CSMD1: variants seen among roughly 807,000 people sequenced by gnomAD.
CSMD1 encodes the protein CUB and Sushi multiple domains 1.
CSMD1 carries 213 observed loss-of-function variants against 417.5 expected under a neutral mutation model. The observed-to-expected ratio is 0.51, with a 90% CI of 0.46 to 0.57. The LOEUF (loss-of-function observed/expected upper bound fraction) is 0.57, where lower values mean the gene tolerates loss of function less well. Among genes scored for constraint, CSMD1 ranks in the 20% least tolerant of loss-of-function variants. CSMD1 has a pLI of 0.00. For synonymous variants in CSMD1, 2,862 were observed against 1,736.8 expected (o/e 1.65, Z -16.11); for missense variants, 6,923 against 4,529.7 (o/e 1.53, Z -15.17).
rs529329262 is a variant in CSMD1, at chr8:4,904,493, T to C, written c.85+89839A>G. On this transcript the variant is annotated intron_variant, in intron 1 of 69. Transcript: ENST00000635120. ...TCAAACAGCTGGTAGGGCTCAATCG[T>C]CCTGACTCAGAGCCTACTACCCTTT... Among the ~76,000 whole-genome samples, 10 of 152,262 alleles carry C rather than the reference T, an allele frequency of 6.6e-5. 1 individual carries two copies. Among genetic ancestry groups the C allele is most frequent in the African/African-American group, 2.4e-4 (10 of 41,552 alleles).
chr8:4,964,399 G>C (rs918247258), intron 1 of CSMD1, among the ~76,000 whole-genome samples: 2 of 147,278 alleles, frequency 1.4e-5, no homozygotes, highest in South Asian at 2.2e-4. Flanking sequence ...TGCACCTGTA[G>C]TCCCAGCTAC....
chr8:4,136,571 C>T (rs917539406), intron 3 of CSMD1, among the ~76,000 whole-genome samples: 6 of 152,140 alleles, frequency 3.9e-5, no homozygotes, highest in African/African-American at 1.4e-4. Flanking sequence ...CTCTAATTTA[C>T]AGTATTTCAG....
chr8:4,141,608 G>A lies in CSMD1; in HGVS notation c.416-109509C>T, dbSNP rs958827567. On this transcript the variant is annotated intron_variant, in intron 3 of 69. Coordinates refer to ENST00000635120, the MANE Select transcript of CSMD1 (RefSeq NM_033225.6). Reference sequence around the variant, plus strand: ...CTGTACTAAGAAATGGAGTTGTAACGATTCCTCCACTATATTTTCACCCTA... The same window carrying A: ...CTGTACTAAGAAATGGAGTTGTAACAATTCCTCCACTATATTTTCACCCTA... Among the ~76,000 whole-genome samples the A allele has an allele frequency of 1.6e-4, 24 of 150,782 alleles. 1 individual carries two copies. The highest frequency in any genetic ancestry group is 5.5e-4 in the African/African-American group (22 of 40,278).
chr8:4,003,698 C>T lies in CSMD1; in HGVS notation c.611-5588G>A, dbSNP rs545641888. ...GTTGTATGTTCCTAATATCAACATG[C>T]ATTAACACAGTGCTTCAGGCGATTT... On this transcript the variant is annotated intron_variant, in intron 4 of 69. Transcript: ENST00000635120. Among the ~76,000 whole-genome samples the T allele has an allele frequency of 4.1e-4, 62 of 152,132 alleles. 1 individual carries two copies. In the South Asian group the frequency reaches 0.013, roughly 32 times the overall value.
At chr8:4,928,773 T>C (rs911525477) in intron 1 of CSMD1, among the ~76,000 whole-genome samples, 1 of 152,072 alleles carries the variant, frequency 6.6e-6, no homozygotes, top group African/African-American at 2.4e-5. Context: ...AAAGAGGTAA[T>C]TAAGTTAAAA....
At chr8:3,565,159 A>AAAAAAAAAAAAAAAAG (rs1554471702) in intron 10 of CSMD1, among the ~76,000 whole-genome samples, 2 of 138,026 alleles carry the variant, frequency 1.4e-5, no homozygotes, top group South Asian at 2.4e-4. Context: ...AAAAAAAAAA[A>AAAAAAAAAAAAAAAAG]AGAGAGAGAT....
intron 3 of CSMD1, among the ~76,000 whole-genome samples, chr8:4,419,328 C>T (rs1366351596): frequency 6.6e-6 from 1 of 152,062 alleles, no homozygotes; most frequent in Non-Finnish European, 1.5e-5. Flanking sequence ...TTTCTTAAAA[C>T]CTAATACTTG....
intron 12 of CSMD1, among the ~76,000 whole-genome samples, chr8:3,458,000 T>A (rs938020857): frequency 3.3e-5 from 5 of 152,180 alleles, no homozygotes; most frequent in Non-Finnish European, 5.9e-5. Flanking sequence ...CACAAGCTCT[T>A]TCATAATTCG....
intron 2 of CSMD1, among the ~76,000 whole-genome samples, chr8:4,543,527 A>G (rs562131367): frequency 6.6e-6 from 1 of 152,282 alleles, no homozygotes; most frequent in South Asian, 2.1e-4. Context: ...CAGTTTATAC[A>G]TTCACCAACC....
At chr8:3,601,539 G>C (rs947723277) in intron 8 of CSMD1, among the ~76,000 whole-genome samples, 1 of 152,090 alleles carries the variant, frequency 6.6e-6, no homozygotes, top group East Asian at 1.9e-4. Context: ...ATCACAGCAG[G>C]CACTTATAAA....
At chr8:3,783,592 G>T (rs1255032773) in intron 5 of CSMD1, among the ~76,000 whole-genome samples, 1 of 152,210 alleles carries the variant, frequency 6.6e-6, no homozygotes, top group African/African-American at 2.4e-5. Flanking sequence ...GTTGGACACA[G>T]TAGCAAAGGC....
chr8:2,987,028 T>C (rs1805971605), intron 54 of CSMD1, among the ~76,000 whole-genome samples: 3 of 151,874 alleles, frequency 2.0e-5, no homozygotes, highest in Admixed American at 1.3e-4. Flanking sequence ...ACATTCCCTC[T>C]TAACTGATTT....
chr8:4,137,891 T>G (rs1333587601), intron 3 of CSMD1, among the ~76,000 whole-genome samples: 1 of 151,924 alleles, frequency 6.6e-6, no homozygotes, highest in Non-Finnish European at 1.5e-5. Context: ...TTTATTTATT[T>G]ACTTGAGATG....
intron 3 of CSMD1, among the ~76,000 whole-genome samples, chr8:4,082,935 G>A (rs982457888): frequency 1.3e-5 from 2 of 151,784 alleles, no homozygotes; most frequent in African/African-American, 4.8e-5. Context: ...CCTTACAAAG[G>A]ACATGAACTC....
chr8:3,837,471 C>T (rs1346796743), intron 5 of CSMD1, among the ~76,000 whole-genome samples: 1 of 152,012 alleles, frequency 6.6e-6, no homozygotes, highest in African/African-American at 2.4e-5. Flanking sequence ...CCTCCTGGGA[C>T]CTAATGCTGA....
chr8:3,872,356 T>C (rs1050747487), intron 5 of CSMD1, among the ~76,000 whole-genome samples: 1 of 152,214 alleles, frequency 6.6e-6, no homozygotes, highest in Non-Finnish European at 1.5e-5. Flanking sequence ...TGCCAGGTGC[T>C]GTGTTGGCAA....
At position 3,104,438 on chromosome 8, in the gene CSMD1, G is replaced by A. The variant is rs185490291; in HGVS notation, c.6949+2090C>T. 1.5e-4 allele frequency among the ~76,000 whole-genome samples: 23 copies of A among 152,204 alleles called. 1 individual carries two copies. In the East Asian group the frequency reaches 2.5e-3, roughly 17 times the overall value. The stretch of plus-strand genomic sequence containing the variant: ...TTCCACAGCCTACGGTCTGCTTAGC[G>A]TTTAAACAGACGAGCAGGCCAAGGG... On this transcript the variant is annotated intron_variant, in intron 46 of 69. Coordinates refer to ENST00000635120, the MANE Select transcript of CSMD1 (RefSeq NM_033225.6).
chr8:3,445,533 CA>C (rs1181815916), intron 12 of CSMD1, among the ~76,000 whole-genome samples: 1 of 152,056 alleles, frequency 6.6e-6, no homozygotes, highest in Non-Finnish European at 1.5e-5. Context: ...TTTCATTACA[CA>C]TTTTTTTTTA....
intron 6 of CSMD1, among the ~76,000 whole-genome samples, chr8:3,709,635 G>C (rs1261285673): frequency 1.4e-5 from 2 of 145,646 alleles, no homozygotes; most frequent in Non-Finnish European, 3.0e-5. Context: ...CCCCAGTAGA[G>C]GCAAGACTTC....
Sources: allele counts gnomAD v4.1 joint callset (sites outside exome capture counted in the v4.1 genomes callset), GRCh38; gene constraint gnomAD v4.1.1; transcripts MANE v1.5; gene names NCBI Gene and HGNC (gene_info 2026-07-23, HGNC 2026-07-21).